Variants in NAV2 observed in about 807,000 individuals in gnomAD.
The protein encoded by NAV2 is neuron navigator 2.
A neutral mutation model predicts 223.2 loss-of-function variants in NAV2; 54 were observed. The observed-to-expected ratio is 0.24, with a 90% CI of 0.19 to 0.30. The LOEUF (loss-of-function observed/expected upper bound fraction) is 0.30. Among genes scored for constraint, NAV2 ranks in the 10% least tolerant of loss-of-function variants. The pLI is 1.00. For synonymous variants in NAV2, 1,279 were observed against 1,239.3 expected (o/e 1.03, Z -0.67); for missense variants, 2,806 against 3,147.5 (o/e 0.89, Z 2.60).
chr11:19,427,327 A>G (rs147346261), intron 1 of NAV2, among the ~76,000 whole-genome samples: 57 of 152,356 alleles, frequency 3.7e-4, no homozygotes, highest in African/African-American at 1.3e-3. Context: ...CAGGCTTGCA[A>G]TTGTGCTGGT....
At chr11:20,023,699 G>GGTGGGTGTGTGTGTGT (rs1554902315) in intron 11 of NAV2, among the ~76,000 whole-genome samples, 7 of 144,572 alleles carry the variant, frequency 4.8e-5, no homozygotes, top group Non-Finnish European at 6.0e-5. Context: ...CAAATTGCTG[G>GGTGGGTGTGTGTGTGT]GTGTGTGTGT....
intron 1 of NAV2, among the ~76,000 whole-genome samples, chr11:19,694,883 G>T (rs115808007): frequency 6.6e-6 from 1 of 152,320 alleles, no homozygotes; most frequent in African/African-American, 2.4e-5. Flanking sequence ...GCCCAGTTCG[G>T]TGGGATCTGC....
At chr11:19,903,579 GAAATGTGGAGTGGGAAATCT>G (rs1055494498) in intron 6 of NAV2, among the ~76,000 whole-genome samples, 7 of 151,618 alleles carry the variant, frequency 4.6e-5, no homozygotes, top group Non-Finnish European at 7.4e-5. Context: ...GCATTTTTCT[GAAATGTGGAGTGGGAAATCT>G]AAATGTGGAG....
At chr11:19,492,651 C>A (rs2042668292) in intron 1 of NAV2, among the ~76,000 whole-genome samples, 1 of 152,166 alleles carries the variant, frequency 6.6e-6, no homozygotes, top group Non-Finnish European at 1.5e-5. Flanking sequence ...TCTATTTAAA[C>A]AATTGCTATT....
intron 1 of NAV2, among the ~76,000 whole-genome samples, chr11:19,783,374 C>G (rs910343163): frequency 5.3e-5 from 8 of 152,216 alleles, no homozygotes; most frequent in African/African-American, 1.9e-4. Flanking sequence ...CCTGTTAGTT[C>G]CAATCAGCAT....
At chr11:19,964,003 C>T (rs991181657) in intron 10 of NAV2, among the ~76,000 whole-genome samples, 2 of 152,182 alleles carry the variant, frequency 1.3e-5, no homozygotes, top group African/African-American at 2.4e-5. Flanking sequence ...AGCCCCTCAC[C>T]CACTGCAAAC....
rs757153457 is a variant in NAV2 at position 20,055,889 on chromosome 11, C to A, written c.4763C>A (p.Ser1588Tyr). The stretch of plus-strand genomic sequence containing the variant: ...ACTGACAGCCGCTTCCGGAATAGCT[C>A]CATGTCCCTGGATGAGAAGAGCAGA... ...PYTDSRFRNS[S>Y]MSLDEKSRTM... Residue 1588 changes from serine (S) to tyrosine (Y), a missense_variant, in exon 19 of 38, where the codon TCC becomes TAC. Around this residue, in one of 4 missense-constraint regions of NAV2, gnomAD observed 742 missense variants for 777.9 expected, o/e 0.95. Transcript: ENST00000349880. 6.2e-7 allele frequency: 1 copy of A among 1,614,172 alleles called. No homozygotes were observed. Among genetic ancestry groups the A allele is most frequent in the Non-Finnish European group, 8.5e-7 (1 of 1,180,034 alleles).
At chr11:19,888,261 T>C (rs1245508607) in intron 5 of NAV2, among the ~76,000 whole-genome samples, 2 of 152,224 alleles carry the variant, frequency 1.3e-5, no homozygotes, top group Non-Finnish European at 2.9e-5. Context: ...GAAGGAGCTA[T>C]TGGGACTTTC....
chr11:19,843,182 C>T (rs2060598992), intron 3 of NAV2, among the ~76,000 whole-genome samples: 1 of 152,300 alleles, frequency 6.6e-6, no homozygotes, highest in East Asian at 1.9e-4. Context: ...ACAAATTATG[C>T]AGAACTGGTA....
intron 1 of NAV2, among the ~76,000 whole-genome samples, chr11:19,790,386 C>T (rs2057436914): frequency 1.3e-5 from 2 of 152,210 alleles, no homozygotes; most frequent in South Asian, 4.1e-4. Flanking sequence ...TCTCTGACTT[C>T]CAGCCCAGGG....
At chr11:19,920,341 G>A (rs2044175721) in intron 6 of NAV2, among the ~76,000 whole-genome samples, 1 of 152,202 alleles carries the variant, frequency 6.6e-6, no homozygotes, top group Non-Finnish European at 1.5e-5. Context: ...AGACTGGACT[G>A]CAGTGGCTCA....
chr11:19,836,280 A>G (rs10833184), intron 2 of NAV2, among the ~76,000 whole-genome samples: 58,541 of 151,940 alleles, frequency 0.39, 11,879 homozygotes, highest in Middle Eastern at 0.54. Context: ...GATCTGGGCC[A>G]GGCGCGGTGG....
intron 14 of NAV2, among the ~76,000 whole-genome samples, chr11:20,046,593 C>T (rs1208022890): frequency 8.9e-6 from 1 of 112,904 alleles, no homozygotes; most frequent in Non-Finnish European, 1.8e-5. Context: ...TTCCCCCTCC[C>T]CATCACACAC....
chr11:19,628,934 G>T (rs1415530598), intron 1 of NAV2, among the ~76,000 whole-genome samples: 1 of 152,054 alleles, frequency 6.6e-6, no homozygotes, highest in Admixed American at 6.5e-5. Flanking sequence ...AGGTGCATTT[G>T]CCACCCTGAC....
chr11:19,895,541 T>A (rs2041906404), intron 6 of NAV2, among the ~76,000 whole-genome samples: 1 of 152,208 alleles, frequency 6.6e-6, no homozygotes, highest in African/African-American at 2.4e-5. Flanking sequence ...GGATTCAAAC[T>A]CTGGCTTCTT....
intron 1 of NAV2, among the ~76,000 whole-genome samples, chr11:19,795,991 G>A (rs2057860974): frequency 6.6e-6 from 1 of 152,176 alleles, no homozygotes; most frequent in South Asian, 2.1e-4. Context: ...GATTCCCATG[G>A]ACTCAGGTAG....
chr11:19,463,445 C>G (rs1257949803), intron 1 of NAV2, among the ~76,000 whole-genome samples: 1 of 152,250 alleles, frequency 6.6e-6, no homozygotes, highest in Non-Finnish European at 1.5e-5. Context: ...CAATGTGCAA[C>G]TTTAGCCTCC....
rs559228538 is a variant in NAV2 at position 19,938,472 on chromosome 11, T to G, written c.2034-1189T>G. Among the ~76,000 whole-genome samples, 230 of 152,336 alleles carry G rather than the reference T, an allele frequency of 1.5e-3. 1 individual carries two copies. Among genetic ancestry groups the G allele is most frequent in the African/African-American group, 5.3e-3 (220 of 41,580 alleles). ...CGATCTGCAATAACAAAGACAGTCC[T>G]TTCCAAGCTTTATTGTTTTTACTGG... is the stretch of plus-strand genomic sequence containing the variant. On this transcript the variant is annotated intron_variant, in intron 7 of 37. Transcript: ENST00000349880.
intron 13 of NAV2, 100 bp downstream of exon 13, chr11:20,044,372 G>T: frequency 9.2e-7 from 1 of 1,090,108 alleles, no homozygotes; most frequent in Non-Finnish European, 1.3e-6. Flanking sequence ...TTTGTCTCAG[G>T]ATTTATACTC....
Sources: gnomAD v4.1 joint callset for allele counts (sites outside exome capture counted in the v4.1 genomes callset) on GRCh38, gnomAD v4.1.1 for gene constraint, gnomAD v4.1.1 regional missense constraint, MANE v1.5 for transcripts, NCBI Gene and HGNC (gene_info 2026-07-23, HGNC 2026-07-21) for gene names.